COQ3: variants seen among roughly 807,000 people sequenced by gnomAD.
COQ3 encodes coenzyme Q3, methyltransferase.
COQ3 carries 29 observed loss-of-function variants against 33.1 expected under a neutral mutation model. That is an observed-to-expected ratio of 0.88 (90% CI 0.65 to 1.19). COQ3 has a LOEUF of 1.19. Ranked by LOEUF, COQ3 falls within the 50% of genes most tolerant of loss-of-function variation. The pLI is 0.00. For synonymous variants in COQ3, 173 were observed against 157.8 expected, an observed-to-expected ratio of 1.10 and a Z score of -0.72; for missense variants, 437 against 430.7, an observed-to-expected ratio of 1.01 and a Z score of -0.13.
At chr6:99,380,381 T>C in intron 2 of COQ3, 40 bp from the exon 3 acceptor site, 1 of 1,597,052 alleles carries the variant, frequency 6.3e-7, no homozygotes, top group Non-Finnish European at 8.6e-7. Context: ...ATACTGCTGT[T>C]TTGAAGAAAT....
intron 1 of COQ3, 71 bp from the exon 2 acceptor site, chr6:99,383,895 A>C: frequency 2.5e-6 from 3 of 1,180,038 alleles, no homozygotes; most frequent in Non-Finnish European, 3.5e-6. Context: ...ATGTAATTGA[A>C]GATTCTATTT....
At chr6:99,390,622 C>T (rs987959842) in intron 1 of COQ3, among the ~76,000 whole-genome samples, 1 of 152,170 alleles carries the variant, frequency 6.6e-6, no homozygotes, top group Admixed American at 6.5e-5. Context: ...GTGAGCCACG[C>T]GCCCAGTCTT....
At position 99,376,058 on chromosome 6, in the gene COQ3, G is replaced by A; in HGVS notation, c.611C>T (p.Ser204Phe). 1 of 1,614,008 alleles carries A rather than the reference G, an allele frequency of 6.2e-7. No individual in the cohort carries two copies. The highest frequency in any genetic ancestry group is 8.5e-7 in the Non-Finnish European group (1 of 1,179,964). ...AGTCTCTTCCACAATCTCTTCCAGG[G>A]AACACACTCTGTACTCTATTCTCTT... ...LDKRIEYRVC[S>F]LEEIVEETAE... Residue 204 changes from serine (S) to phenylalanine (F), a missense_variant, in exon 5 of 7, where the codon TCC becomes TTC. Physicochemically the swap from Ser to Phe is radical, Grantham distance 155. Coordinates refer to ENST00000254759, the MANE Select transcript of COQ3 (RefSeq NM_017421.4).
chr6:99,378,902 T>C (rs990086167), intron 3 of COQ3, among the ~76,000 whole-genome samples: 4 of 152,062 alleles, frequency 2.6e-5, no homozygotes, highest in African/African-American at 9.7e-5. Context: ...CCAAAATTGT[T>C]TGATGAATAC....
intron 1 of COQ3, 102 bp downstream of exon 1, chr6:99,393,972 G>A (rs1201238942): frequency 2.3e-5 from 21 of 931,312 alleles, no homozygotes; most frequent in Admixed American, 5.8e-5. Context: ...CTGACCCCTC[G>A]CGAGGTCCAG....
intron 2 of COQ3, among the ~76,000 whole-genome samples, chr6:99,382,457 T>C (rs1173320857): frequency 2.0e-5 from 3 of 152,234 alleles, no homozygotes; most frequent in Non-Finnish European, 4.4e-5. Context: ...TTTATTCTTT[T>C]AAGATTCAAG....
At chr6:99,385,082 G>C (rs558107243) in intron 1 of COQ3, among the ~76,000 whole-genome samples, 3 of 152,354 alleles carry the variant, frequency 2.0e-5, no homozygotes, top group Non-Finnish European at 4.4e-5. Context: ...CTGTACTCCA[G>C]CCTGGGCGAC....
rs796154238 is a variant in COQ3, at chr6:99,383,570, A to G, written c.233+128T>C. 12 of 664,984 alleles carry G rather than the reference A, an allele frequency of 1.8e-5. No homozygotes were observed. In the African/African-American group the frequency reaches 2.1e-4, roughly 11 times the overall value. 41.2% of individuals were successfully genotyped at this position (664,984 alleles called of 1,614,324 possible). A position where few individuals can be genotyped will look rare whatever the true frequency, so the allele number is the denominator to read the frequency against. Reference sequence around the variant, plus strand: ...GAAAATAAATTAGTTGAGACTACTTAAATAAACACAAGCTACTTTAATCAA... The same window carrying G: ...GAAAATAAATTAGTTGAGACTACTTGAATAAACACAAGCTACTTTAATCAA... On this transcript the variant is annotated intron_variant, in intron 2 of 6. Transcript: ENST00000254759.
At chr6:99,379,692 T>C (rs1774411507) in intron 3 of COQ3, among the ~76,000 whole-genome samples, 1 of 151,970 alleles carries the variant, frequency 6.6e-6, no homozygotes, top group African/African-American at 2.4e-5. Flanking sequence ...CTGTCTCTAC[T>C]AAAAATACAA....
chr6:99,392,454 T>C (rs1224095914), intron 1 of COQ3, among the ~76,000 whole-genome samples: 12 of 152,126 alleles, frequency 7.9e-5, no homozygotes, highest in Admixed American at 7.9e-4. Flanking sequence ...CCTCAGGAGG[T>C]GTAAATGGCC....
intron 1 of COQ3, among the ~76,000 whole-genome samples, chr6:99,389,162 G>A (rs1018971054): frequency 3.9e-5 from 6 of 152,120 alleles, no homozygotes; most frequent in African/African-American, 7.2e-5. Context: ...TCACTCTGTC[G>A]CCCAAATTGG....
chr6:99,375,897 C>G, intron 5 of COQ3, 43 bp downstream of exon 5: 1 of 1,605,126 alleles, frequency 6.2e-7, no homozygotes, highest in Non-Finnish European at 8.5e-7. Flanking sequence ...CAAATACACA[C>G]ACTCAGAAGA....
At chr6:99,387,756 G>T (rs1391843991) in intron 1 of COQ3, among the ~76,000 whole-genome samples, 1 of 152,054 alleles carries the variant, frequency 6.6e-6, no homozygotes, top group East Asian at 1.9e-4. Flanking sequence ...GGCAAGAAAA[G>T]GAAATAAAAG....
chr6:99,371,712 T>C, intron 5 of COQ3, 125 bp from the exon 6 acceptor site: 3 of 660,590 alleles, frequency 4.5e-6, no homozygotes, highest in Non-Finnish European at 7.6e-6. Context: ...AATATATATG[T>C]ACGCATAAAA....
At chr6:99,385,404 A>G (rs1271524435) in intron 1 of COQ3, among the ~76,000 whole-genome samples, 1 of 152,222 alleles carries the variant, frequency 6.6e-6, no homozygotes, top group Non-Finnish European at 1.5e-5. Context: ...CTGGGACACA[A>G]AACAAATCTT....
At chr6:99,393,833 G>C (rs561358277) in intron 1 of COQ3, among the ~76,000 whole-genome samples, 1 of 152,206 alleles carries the variant, frequency 6.6e-6, no homozygotes. Context: ...AGCCACAAGA[G>C]ACCCGCGGCC....
chr6:99,384,098 C>G (rs1298175571), intron 1 of COQ3, among the ~76,000 whole-genome samples: 1 of 151,766 alleles, frequency 6.6e-6, no homozygotes, highest in Non-Finnish European at 1.5e-5. Context: ...GAGATGGGGT[C>G]TCTCTATGTT....
chr6:99,376,323 T>G (rs1562203453), intron 4 of COQ3, 141 bp from the exon 5 acceptor site: 1 of 821,208 alleles, frequency 1.2e-6, no homozygotes, highest in Non-Finnish European at 1.9e-6. Flanking sequence ...GAAACTCATA[T>G]ACCATTTTCT....
chr6:99,370,300 AT>A (rs1389364784), intron 6 of COQ3, among the ~76,000 whole-genome samples: 1 of 126,650 alleles, frequency 7.9e-6, no homozygotes, highest in African/African-American at 3.0e-5. Flanking sequence ...TCTTTAAAAC[AT>A]TTTTTTCCTA....
Sources: allele counts gnomAD v4.1 joint callset (sites outside exome capture counted in the v4.1 genomes callset), GRCh38; gene constraint gnomAD v4.1.1; transcripts MANE v1.5; gene names NCBI Gene and HGNC (gene_info 2026-07-23, HGNC 2026-07-21).